The following PCDHGB1 variants were observed in gnomAD, a reference collection of about 807,000 sequenced individuals.
PCDHGB1 encodes protocadherin gamma subfamily B, 1.
In PCDHGB1, 34 loss-of-function variants were observed where a neutral mutation model predicts 56.6. The ratio of observed to expected loss-of-function variants is 0.60; its 90% CI spans 0.46 to 0.80. PCDHGB1 has a LOEUF of 0.80. Ranked by LOEUF, PCDHGB1 falls within the 30% of genes least tolerant of loss-of-function variation. The pLI, the probability that PCDHGB1 is intolerant of heterozygous loss-of-function variation, is 0.00. For missense variants in PCDHGB1, 1,278 were observed against 1,204.6 expected, an observed-to-expected ratio of 1.06 and a Z score of -0.90; for synonymous variants, 561 against 505.9, an observed-to-expected ratio of 1.11 and a Z score of -1.46.
At chr5:141,393,334 C>A in intron 1 of PCDHGB1, 1 of 1,613,960 alleles carries the variant, frequency 6.2e-7, no homozygotes, top group Non-Finnish European at 8.5e-7. Flanking sequence ...CAGCTCAGCC[C>A]CAATCACCAC....
chr5:141,494,400 C>A (rs2099754045), intron 1 of PCDHGB1, among the ~76,000 whole-genome samples: 1 of 152,158 alleles, frequency 6.6e-6, no homozygotes, highest in African/African-American at 2.4e-5. Flanking sequence ...TAAATTCATT[C>A]TAGGGCTGGT....
chr5:141,409,904 G>T lies in PCDHGB1; in HGVS notation c.2409+57235G>T, dbSNP rs757396196. 10 of 1,613,278 alleles carry T rather than the reference G, an allele frequency of 6.2e-6. No homozygotes were observed. The South Asian group carries it at 1.1e-4, about 18-fold the overall frequency. On this transcript the variant is annotated intron_variant, in intron 1 of 3. Coordinates refer to ENST00000523390, the MANE Select transcript of PCDHGB1 (RefSeq NM_018922.3). ...ACCGCGGGTGCTGTACCCAGCTCTGGGTCCTGACGGCTCCGCGTTCTTCGA... is the reference window on the plus strand; with the variant it reads ...ACCGCGGGTGCTGTACCCAGCTCTGTGTCCTGACGGCTCCGCGTTCTTCGA...
chr5:141,475,300 T>C (rs1383092136), intron 1 of PCDHGB1, among the ~76,000 whole-genome samples: 3 of 152,332 alleles, frequency 2.0e-5, no homozygotes, highest in South Asian at 2.1e-4. Context: ...AATTTCTTAT[T>C]GCTCCCTGGT....
chr5:141,369,524 C>T (rs1232865331), intron 1 of PCDHGB1, among the ~76,000 whole-genome samples: 1 of 152,138 alleles, frequency 6.6e-6, no homozygotes, highest in Non-Finnish European at 1.5e-5. Context: ...AGTTTTCAAT[C>T]ATACTTATTT....
Position 141,389,814 on chromosome 5 carries a change from G to C in PCDHGB1, c.2409+37145G>C, listed in dbSNP as rs753211260. 2.0e-5 allele frequency: 32 copies of C among 1,613,868 alleles called. No individual in the cohort carries two copies. In the Admixed American group the frequency reaches 5.0e-4, roughly 25 times the overall value. ...CGTCCGCCAGCGCCTTCTGGTCGCCGTGCGTGACGGTGGACAGCCACCACT... is the reference window on the plus strand; with the variant it reads ...CGTCCGCCAGCGCCTTCTGGTCGCCCTGCGTGACGGTGGACAGCCACCACT... On this transcript the variant is annotated intron_variant, in intron 1 of 3. Transcript: ENST00000523390.
chr5:141,362,634 TCTTTGTC>T, intron 1 of PCDHGB1: 2 of 1,484,528 alleles, frequency 1.3e-6, no homozygotes, highest in Non-Finnish European at 1.8e-6. Context: ...ACTGCGTATT[TCTTTGTC>T]TGTGAGTTAG....
At position 141,485,430 on chromosome 5, in the gene PCDHGB1, T is replaced by C; in HGVS notation, c.2410-9377T>C. The C allele has an allele frequency of 6.2e-7, 1 of 1,614,138 alleles. No individual in the cohort carries two copies. Among genetic ancestry groups the C allele is most frequent in the Non-Finnish European group, 8.5e-7 (1 of 1,180,022 alleles). On this transcript the variant is annotated intron_variant, in intron 1 of 3. Transcript: ENST00000523390. The surrounding 1 kb of genome is among the most constrained non-coding windows in gnomAD (Gnocchi z 5.7). ...GATTTGGACAGCGGAGCCCTGCTCA[T>C]CAAGAACCCAATCGACCGAGAGGCA... is the stretch of plus-strand genomic sequence containing the variant.
chr5:141,360,563 G>A (rs1194971714), intron 1 of PCDHGB1: 1 of 1,613,864 alleles, frequency 6.2e-7, no homozygotes, highest in Non-Finnish European at 8.5e-7. Context: ...TTAAAAATTG[G>A]CGAATCCACT....
chr5:141,415,599 C>G (rs201075690), intron 1 of PCDHGB1: 321 of 1,613,514 alleles, frequency 2.0e-4, no homozygotes, highest in South Asian at 6.6e-4. Context: ...TAGAGGATAC[C>G]CCATTGGTTC....
intron 1 of PCDHGB1, chr5:141,422,940 C>T (rs769630623): frequency 2.0e-5 from 32 of 1,614,124 alleles, no homozygotes; most frequent in Admixed American, 5.0e-5. Flanking sequence ...TCCCCACAGA[C>T]GGCTCCACTG....
chr5:141,507,862 G>T (rs17286954), intron 3 of PCDHGB1, among the ~76,000 whole-genome samples: 20,426 of 152,154 alleles, frequency 0.13, 1,374 homozygotes, highest in Admixed American at 0.16. Context: ...TTTCACACCC[G>T]CTTCCTAGCC....
At chr5:141,366,203 G>C in intron 1 of PCDHGB1, 3 of 1,613,862 alleles carry the variant, frequency 1.9e-6, no homozygotes, top group Non-Finnish European at 2.5e-6. Flanking sequence ...GCACACGGGC[G>C]AGGTGCGCAC....
At chr5:141,424,894 T>C (rs868851823) in intron 1 of PCDHGB1, among the ~76,000 whole-genome samples, 44 of 152,320 alleles carry the variant, frequency 2.9e-4, no homozygotes, top group African/African-American at 9.9e-4. Flanking sequence ...TCTAGGGTTT[T>C]TGATCACAGG....
chr5:141,494,937 G>C (rs759078748), intron 2 of PCDHGB1, 72 bp downstream of exon 2: 1 of 1,612,276 alleles, frequency 6.2e-7, no homozygotes, highest in African/African-American at 1.3e-5. Flanking sequence ...GAGGAGATGG[G>C]GGAGGGCCCA....
Position 141,414,954 on chromosome 5 carries a change from C to T in PCDHGB1, c.2409+62285C>T, listed in dbSNP as rs759955017. ...CCGCAGAGCCCGGCTACCTGGTGAC[C>T]AAGGTGGTGGCGGTGGACAGAGACT... On this transcript the variant is annotated intron_variant, in intron 1 of 3. Coordinates refer to ENST00000523390, the MANE Select transcript of PCDHGB1 (RefSeq NM_018922.3). 10 of 1,614,058 alleles carry T rather than the reference C, an allele frequency of 6.2e-6. No individual in the cohort carries two copies. The Admixed American group carries it at 1.7e-4, about 27-fold the overall frequency.
At chr5:141,394,799 A>G in intron 1 of PCDHGB1, 5 of 1,613,808 alleles carry the variant, frequency 3.1e-6, no homozygotes, top group Admixed American at 1.7e-5. Context: ...CGCTCACCGT[A>G]GCCGTGGCTG....
intron 2 of PCDHGB1, among the ~76,000 whole-genome samples, chr5:141,496,733 C>A (rs1221912777): frequency 6.6e-6 from 1 of 152,138 alleles, no homozygotes; most frequent in Non-Finnish European, 1.5e-5. Context: ...TGTATTCATT[C>A]GTTCATTTAT....
At chr5:141,424,577 A>T (rs958508704) in intron 1 of PCDHGB1, 1 of 152,206 alleles carries the variant, frequency 6.6e-6, no homozygotes, top group Non-Finnish European at 1.5e-5. Context: ...ACCTATTTTC[A>T]AATGTGCTAA....
chr5:141,394,204 A>G (rs749979763), intron 1 of PCDHGB1: 4 of 1,613,914 alleles, frequency 2.5e-6, no homozygotes, highest in Non-Finnish European at 3.4e-6. Context: ...ATCCTAGAGA[A>G]CAACCTGAGA....
Sources: gnomAD v4.1 joint callset for allele counts (sites outside exome capture counted in the v4.1 genomes callset) on GRCh38, gnomAD v4.1.1 for gene constraint, Gnocchi (gnomAD v3.1) non-coding constraint, MANE v1.5 for transcripts, NCBI Gene and HGNC (gene_info 2026-07-23, HGNC 2026-07-21) for gene names.